Variants in EPHB1 observed in about 807,000 individuals in gnomAD.
EPHB1 encodes ephrin type-B receptor 1.
A neutral mutation model predicts 94.4 loss-of-function variants in EPHB1; 30 were observed. The observed-to-expected ratio is 0.32, with a 90% CI of 0.24 to 0.43. The LOEUF (loss-of-function observed/expected upper bound fraction) is 0.43. Among genes scored for constraint, EPHB1 ranks in the 20% least tolerant of loss-of-function variants. The probability of loss-of-function intolerance (pLI) is 1.00; values close to 1 mark genes in which losing one functional copy is unlikely to be tolerated. For missense variants in EPHB1, 1,055 were observed against 1,308.3 expected (o/e 0.81, Z 2.99); for synonymous variants, 522 against 489.1 (o/e 1.07, Z -0.89).
chr3:135,040,484 G>T (rs1389694878), intron 3 of EPHB1, among the ~76,000 whole-genome samples: 1 of 152,240 alleles, frequency 6.6e-6, no homozygotes, highest in Non-Finnish European at 1.5e-5. Context: ...GAGCCCTGGG[G>T]CTGGGGGGCA....
chr3:135,140,317 A>G (rs1390291806), intron 5 of EPHB1, among the ~76,000 whole-genome samples: 2 of 152,044 alleles, frequency 1.3e-5, no homozygotes, highest in Admixed American at 6.6e-5. Context: ...AGTCAAGTCA[A>G]CTCCATGAAC....
intron 1 of EPHB1, among the ~76,000 whole-genome samples, chr3:134,901,053 C>CT (rs201804654): frequency 2.0e-5 from 3 of 151,722 alleles, no homozygotes; most frequent in African/African-American, 7.2e-5. Context: ...TGTGGAACTT[C>CT]TTTTTAAAAA....
chr3:134,991,297 G>GTACAGAT (rs760476930), intron 3 of EPHB1, among the ~76,000 whole-genome samples: 1 of 152,074 alleles, frequency 6.6e-6, no homozygotes, highest in Non-Finnish European at 1.5e-5. Flanking sequence ...TGTGGAGGAG[G>GTACAGAT]GCTGGAAAGT....
chr3:135,248,518 A>G lies in EPHB1; in HGVS notation c.2690+9A>G, dbSNP rs1168285782. On this transcript the variant is annotated intron_variant, in intron 14 of 15. Transcript: ENST00000398015. ...GCAACCATCACCGCCGTGTGAGTCT[A>G]GTGAAACGGTGATCCCTAAATATGG... is the stretch of plus-strand genomic sequence containing the variant. The G allele has an allele frequency of 1.3e-6, 2 of 1,575,176 alleles. No individual in the cohort carries two copies. Among genetic ancestry groups the G allele is most frequent in the Non-Finnish European group, 1.7e-6 (2 of 1,154,328 alleles).
At chr3:134,826,251 C>CAAAAAAAAAAAAA (rs34084951) in intron 1 of EPHB1, among the ~76,000 whole-genome samples, 1 of 119,026 alleles carries the variant, frequency 8.4e-6, no homozygotes. Flanking sequence ...GACTCCATCT[C>CAAAAAAAAAAAAA]AAAAAAAAAA....
At chr3:135,081,909 T>A (rs1378971161) in intron 3 of EPHB1, among the ~76,000 whole-genome samples, 3 of 151,856 alleles carry the variant, frequency 2.0e-5, no homozygotes, top group East Asian at 1.9e-4. Flanking sequence ...CTGCATAACT[T>A]CTGCAGGGAA....
chr3:135,162,625 T>G (rs559825540), intron 7 of EPHB1, among the ~76,000 whole-genome samples: 292 of 152,302 alleles, frequency 1.9e-3, no homozygotes, highest in Non-Finnish European at 2.5e-3. Flanking sequence ...GGCAGTCTCA[T>G]GCACCTGGGA....
rs562088081 is a variant in EPHB1, at chr3:134,882,769, T to C, written c.59-43047T>C. ...TTCTTCCTTTCTTCCTTCCTTCCTT[T>C]CTTTCTTTCTTTCTTTCTTTCTTTC... On this transcript the variant is annotated intron_variant, in intron 1 of 15. Transcript: ENST00000398015. Among the ~76,000 whole-genome samples the C allele has an allele frequency of 6.6e-4, 30 of 45,354 alleles. 1 individual carries two copies. Among genetic ancestry groups the C allele is most frequent in the African/African-American group, 1.9e-3 (30 of 15,460 alleles). The allele number at this position is 45,354 out of a possible 152,430, so 29.8% of individuals were successfully genotyped here.
chr3:135,057,293 A>G (rs913594970), intron 3 of EPHB1, among the ~76,000 whole-genome samples: 2 of 152,126 alleles, frequency 1.3e-5, no homozygotes, highest in African/African-American at 4.8e-5. Flanking sequence ...GATGAAAGGG[A>G]TGGAGAGGAG....
intron 1 of EPHB1, among the ~76,000 whole-genome samples, chr3:134,811,242 G>GGTTTTTTTTTTTTTTTTTT (rs2036168294): frequency 1.0e-3 from 77 of 73,880 alleles, no homozygotes; most frequent in African/African-American, 3.2e-3. Context: ...TACTAAGAAG[G>GGTTTTTTTTTTTTTTTTTT]TTTTTTTTTT....
chr3:134,920,019 T>G (rs957141987), intron 1 of EPHB1, among the ~76,000 whole-genome samples: 1 of 152,214 alleles, frequency 6.6e-6, no homozygotes, highest in African/African-American at 2.4e-5. Context: ...CATGCTCACA[T>G]TGTACCTATG....
intron 1 of EPHB1, among the ~76,000 whole-genome samples, chr3:134,920,094 T>A (rs1218251819): frequency 6.6e-6 from 1 of 151,966 alleles, no homozygotes; most frequent in Non-Finnish European, 1.5e-5. Context: ...ATTGGAAAAA[T>A]TTCTGTGTTC....
At chr3:134,976,587 G>C (rs541137782) in intron 3 of EPHB1, among the ~76,000 whole-genome samples, 9 of 152,198 alleles carry the variant, frequency 5.9e-5, no homozygotes, top group African/African-American at 2.2e-4. Flanking sequence ...CTCAGCTTAG[G>C]GTTCACTTTC....
chr3:135,141,438 A>G (rs528786182), intron 5 of EPHB1, among the ~76,000 whole-genome samples: 1 of 152,244 alleles, frequency 6.6e-6, no homozygotes, highest in South Asian at 2.1e-4. Context: ...CCCCTCAGCA[A>G]TGTGTCCTCT....
intron 4 of EPHB1, among the ~76,000 whole-genome samples, chr3:135,119,285 C>A (rs1047221133): frequency 2.0e-5 from 3 of 152,096 alleles, no homozygotes; most frequent in Non-Finnish European, 4.4e-5. Context: ...TCTGTGGATA[C>A]TTGTTTTGTC....
Position 135,109,165 on chromosome 3 carries a change from C to T in EPHB1, c.961+2562C>T, listed in dbSNP as rs538241282. The stretch of plus-strand genomic sequence containing the variant: ...CACTGCCCAGAAGCCCTCAGTTTAC[C>T]TGGTGAATCCTGGCATCCCCAAACT... On this transcript the variant is annotated intron_variant, in intron 4 of 15. Transcript: ENST00000398015. Among the ~76,000 whole-genome samples, 6 of 152,306 alleles carry T rather than the reference C, an allele frequency of 3.9e-5. No individual in the cohort carries two copies. In the South Asian group the frequency reaches 1.2e-3, roughly 32 times the overall value.
In EPHB1 at chr3:135,247,123, T is replaced by C. The variant is rs891518344; in HGVS notation, c.2497-1193T>C. On this transcript the variant is annotated intron_variant, in intron 13 of 15. Coordinates refer to ENST00000398015, the MANE Select transcript of EPHB1 (RefSeq NM_004441.5). ...ACTGTTTATTTTAATATAAAATTAATGCAGGATTATTATAGAAAATAAAAA... is the reference window on the plus strand; with the variant it reads ...ACTGTTTATTTTAATATAAAATTAACGCAGGATTATTATAGAAAATAAAAA... Among the ~76,000 whole-genome samples the C allele has an allele frequency of 3.3e-5, 5 of 152,300 alleles. No homozygotes were observed. The South Asian group carries it at 1.0e-3, about 32-fold the overall frequency.
intron 1 of EPHB1, among the ~76,000 whole-genome samples, chr3:134,907,104 C>A (rs1023859071): frequency 2.0e-5 from 3 of 152,184 alleles, no homozygotes; most frequent in Non-Finnish European, 4.4e-5. Flanking sequence ...GTGTTAAACA[C>A]TTCACAAAAA....
At chr3:135,064,714 C>G (rs1937558996) in intron 3 of EPHB1, among the ~76,000 whole-genome samples, 1 of 151,624 alleles carries the variant, frequency 6.6e-6, no homozygotes, top group Non-Finnish European at 1.5e-5. Context: ...TAATTCTGCT[C>G]TGATCTTGGT....
Sources: gnomAD v4.1 joint callset for allele counts (sites outside exome capture counted in the v4.1 genomes callset) on GRCh38, gnomAD v4.1.1 for gene constraint, MANE v1.5 for transcripts, NCBI Gene and HGNC (gene_info 2026-07-23, HGNC 2026-07-21) for gene names.